Variants in PCLO observed in about 807,000 individuals in gnomAD.
The protein encoded by PCLO is piccolo presynaptic cytomatrix protein, also known as protein piccolo.
PCLO carries 82 observed loss-of-function variants against 427.5 expected under a neutral mutation model. The ratio of observed to expected loss-of-function variants is 0.19; its 90% CI spans 0.16 to 0.23. PCLO has a LOEUF of 0.23. Ranked by LOEUF, PCLO falls within the 10% of genes least tolerant of loss-of-function variation. The pLI is 1.00. For missense variants in PCLO, 6,239 were observed against 6,115.9 expected (o/e 1.02, Z -0.67); for synonymous variants, 2,357 against 2,155.4 (o/e 1.09, Z -2.59).
At chr7:82,905,501 G>A (rs985403275) in intron 8 of PCLO, among the ~76,000 whole-genome samples, 1 of 151,934 alleles carries the variant, frequency 6.6e-6, no homozygotes, top group African/African-American at 2.4e-5. Context: ...GGAATACAGA[G>A]CTGCTGCTCT....
chr7:82,987,616 A>G (rs1796284420), intron 3 of PCLO, among the ~76,000 whole-genome samples: 1 of 152,070 alleles, frequency 6.6e-6, no homozygotes, highest in African/African-American at 2.4e-5. Context: ...ATGTAGCCAA[A>G]CATACAGATA....
intron 1 of PCLO, among the ~76,000 whole-genome samples, chr7:83,157,631 TATTA>T (rs1419643892): frequency 1.3e-5 from 2 of 151,776 alleles, no homozygotes; most frequent in Non-Finnish European, 2.9e-5. Context: ...CCAAAAGTCA[TATTA>T]AATACAGAAA....
intron 20 of PCLO, among the ~76,000 whole-genome samples, chr7:82,813,253 C>T (rs1791610776): frequency 6.6e-6 from 1 of 151,618 alleles, no homozygotes. Flanking sequence ...ACCTCTCTAG[C>T]TAATGTCATT....
rs1380731610 is a variant in PCLO, at chr7:82,909,126, T to C, written c.13301-113A>G. 7.5e-6 allele frequency: 7 copies of C among 934,866 alleles called. No individual in the cohort carries two copies. In the African/African-American group the frequency reaches 1.2e-4, roughly 16 times the overall value. The allele number at this position is 934,866 out of a possible 1,614,324, so 57.9% of individuals were successfully genotyped here. ...ACTAGGCTTGTTAACCATACATGCA[T>C]TTCAAACACATCTCCCCTTGGGACT... On this transcript the variant is annotated intron_variant, in intron 7 of 24. Transcript: ENST00000333891.
intron 3 of PCLO, among the ~76,000 whole-genome samples, chr7:83,000,310 T>G (rs959746857): frequency 2.2e-5 from 3 of 138,616 alleles, no homozygotes; most frequent in African/African-American, 5.3e-5. Flanking sequence ...AGAGAGAAAA[T>G]AAACCAGAGT....
intron 20 of PCLO, among the ~76,000 whole-genome samples, chr7:82,810,528 T>A (rs1249939213): frequency 3.3e-5 from 5 of 151,696 alleles, no homozygotes; most frequent in African/African-American, 9.7e-5. Context: ...AAGGGTCCTG[T>A]GCCCTAAAAG....
rs560073560 is a variant in PCLO, at chr7:82,849,576, A to G, written c.13655-2329T>C. Among the ~76,000 whole-genome samples the G allele has an allele frequency of 1.7e-4, 26 of 152,198 alleles. 1 individual carries two copies. Among genetic ancestry groups the G allele is most frequent in the Non-Finnish European group, 3.4e-4 (23 of 68,024 alleles). ...CAAATTCTATGAGCCATATTAAAATAATGAATGATATACAGGTATAACAAA... is the reference window on the plus strand; with the variant it reads ...CAAATTCTATGAGCCATATTAAAATGATGAATGATATACAGGTATAACAAA... On this transcript the variant is annotated intron_variant, in intron 10 of 24. Coordinates refer to ENST00000333891, the MANE Select transcript of PCLO (RefSeq NM_033026.6).
intron 10 of PCLO, among the ~76,000 whole-genome samples, chr7:82,871,458 G>T (rs1187276172): frequency 6.6e-6 from 1 of 151,920 alleles, no homozygotes; most frequent in African/African-American, 2.4e-5. Context: ...GGAATGGGTG[G>T]TGTGGAGGGG....
chr7:82,915,253 GGCCAAAAGTGAT>G lies in PCLO; in HGVS notation c.12721_12732del (p.Ile4241_Gly4244del), dbSNP rs746391034. On this transcript the variant is annotated inframe_deletion, in exon 7 of 25. Transcript: ENST00000333891. ...TGTTGGTCTGTAATATTTTTTCTGA[GGCCAAAAGTGAT>G]GTCATCTTGAAGGAGCCTTGCCCTG... is the stretch of plus-strand genomic sequence containing the variant. The G allele has an allele frequency of 5.6e-6, 9 of 1,613,432 alleles. 1 individual carries two copies. In the South Asian group the frequency reaches 9.9e-5, roughly 18 times the overall value.
At chr7:83,051,807 T>C (rs1431756741) in intron 3 of PCLO, among the ~76,000 whole-genome samples, 2 of 152,076 alleles carry the variant, frequency 1.3e-5, no homozygotes, top group African/African-American at 4.8e-5. Flanking sequence ...CAATACTTAC[T>C]ATAAAGCTAC....
chr7:82,944,719 C>T (rs1176415272), intron 6 of PCLO, among the ~76,000 whole-genome samples: 1 of 152,130 alleles, frequency 6.6e-6, no homozygotes, highest in African/African-American at 2.4e-5. Context: ...TAAAGTAAAG[C>T]TCTTTAATGA....
At chr7:82,802,814 G>A (rs1318371127) in intron 21 of PCLO, among the ~76,000 whole-genome samples, 2 of 151,952 alleles carry the variant, frequency 1.3e-5, no homozygotes, top group Admixed American at 6.6e-5. Flanking sequence ...CTGCTCTAAA[G>A]GTCCTCTTAT....
At chr7:82,977,990 C>CAT (rs907428685) in intron 3 of PCLO, among the ~76,000 whole-genome samples, 1 of 151,960 alleles carries the variant, frequency 6.6e-6, no homozygotes, top group Non-Finnish European at 1.5e-5. Context: ...TATCATTTTT[C>CAT]ATATATATCT....
At chr7:83,043,562 C>T (rs933572744) in intron 3 of PCLO, among the ~76,000 whole-genome samples, 1 of 152,182 alleles carries the variant, frequency 6.6e-6, no homozygotes, top group African/African-American at 2.4e-5. Flanking sequence ...ACTCATATGG[C>T]AACTTCTTAC....
At chr7:82,821,659 G>T (rs1240746011) in intron 20 of PCLO, 4 of 967,666 alleles carry the variant, frequency 4.1e-6, no homozygotes, top group Non-Finnish European at 4.9e-6. Flanking sequence ...TAGGTCAATT[G>T]TTATACTTTG....
chr7:82,789,323 G>A (rs1213640858), intron 22 of PCLO, among the ~76,000 whole-genome samples: 3 of 152,244 alleles, frequency 2.0e-5, no homozygotes, highest in East Asian at 1.9e-4. Flanking sequence ...TTCTTAAATC[G>A]AAGAAGCATC....
chr7:82,768,878 T>C (rs1328377221), intron 22 of PCLO, among the ~76,000 whole-genome samples: 1 of 152,164 alleles, frequency 6.6e-6, no homozygotes, highest in Non-Finnish European at 1.5e-5. Flanking sequence ...TCTCTAGCTA[T>C]CTAATTTGCA....
At chr7:83,114,477 A>T (rs1791083766) in intron 3 of PCLO, among the ~76,000 whole-genome samples, 1 of 152,150 alleles carries the variant, frequency 6.6e-6, no homozygotes, top group African/African-American at 2.4e-5. Flanking sequence ...GTCCTACATT[A>T]GAAATGATTA....
At chr7:83,150,960 G>T (rs189818208) in intron 2 of PCLO, among the ~76,000 whole-genome samples, 2 of 152,198 alleles carry the variant, frequency 1.3e-5, no homozygotes, top group African/African-American at 4.8e-5. Flanking sequence ...TCATGGATAC[G>T]TATGAAAGTT....
Sources: gnomAD v4.1 joint callset for allele counts (sites outside exome capture counted in the v4.1 genomes callset) on GRCh38, gnomAD v4.1.1 for gene constraint, MANE v1.5 for transcripts, NCBI Gene and HGNC (gene_info 2026-07-23, HGNC 2026-07-21) for gene names.